UST: variants seen among roughly 807,000 people sequenced by gnomAD.
UST encodes uronyl 2-sulfotransferase.
A neutral mutation model predicts 45.6 loss-of-function variants in UST; 21 were observed. The observed-to-expected ratio is 0.46, with a 90% CI of 0.33 to 0.66. UST has a LOEUF of 0.66. Ranked by LOEUF, UST falls within the 30% of genes least tolerant of loss-of-function variation. The pLI is 0.02. For synonymous variants in UST, 215 were observed against 200.6 expected, an observed-to-expected ratio of 1.07 and a Z score of -0.61; for missense variants, 463 against 512.4, an observed-to-expected ratio of 0.90 and a Z score of 0.93.
chr6:149,049,737 C>A (rs531414704), intron 7 of UST, among the ~76,000 whole-genome samples: 1 of 152,146 alleles, frequency 6.6e-6, no homozygotes, highest in South Asian at 2.1e-4. Flanking sequence ...TAAAGAACAT[C>A]ATTCTCGAGG....
At chr6:148,950,648 T>C (rs1178011944) in intron 3 of UST, among the ~76,000 whole-genome samples, 1 of 152,204 alleles carries the variant, frequency 6.6e-6, no homozygotes, top group East Asian at 1.9e-4. Flanking sequence ...CTGCTCTTCA[T>C]TATTTGCAAT....
intron 1 of UST, among the ~76,000 whole-genome samples, chr6:148,886,668 C>T (rs1778917576): frequency 6.6e-6 from 1 of 152,146 alleles, no homozygotes; most frequent in Non-Finnish European, 1.5e-5. Context: ...AGTACAATAA[C>T]ATTTGAGTAC....
chr6:148,876,650 C>T (rs1311473957), intron 1 of UST, among the ~76,000 whole-genome samples: 1 of 152,074 alleles, frequency 6.6e-6, no homozygotes, highest in African/African-American at 2.4e-5. Context: ...CTTGCATAAG[C>T]GTGATTGTGT....
intron 7 of UST, among the ~76,000 whole-genome samples, chr6:149,037,188 CTCCGGTAGCAG>C (rs1776250861): frequency 6.6e-6 from 1 of 152,154 alleles, no homozygotes; most frequent in Admixed American, 6.5e-5. Context: ...GCCGCAGCTG[CTCCGGTAGCAG>C]GAGCAGCAGC....
intron 1 of UST, among the ~76,000 whole-genome samples, chr6:148,836,051 G>A (rs1462117215): frequency 6.6e-6 from 1 of 152,068 alleles, no homozygotes; most frequent in Non-Finnish European, 1.5e-5. Flanking sequence ...GCAGAATTTT[G>A]GGGAGTTTCA....
chr6:148,793,725 A>G (rs947376596), intron 1 of UST, among the ~76,000 whole-genome samples: 6 of 152,174 alleles, frequency 3.9e-5, no homozygotes, highest in South Asian at 4.1e-4. Flanking sequence ...CATGACTGCA[A>G]TTGGAATAAT....
At chr6:148,810,841 T>G (rs541203808) in intron 1 of UST, among the ~76,000 whole-genome samples, 1 of 152,346 alleles carries the variant, frequency 6.6e-6, no homozygotes, top group African/African-American at 2.4e-5. Context: ...ATATCTATCC[T>G]TATGAATTAC....
In UST at chr6:148,953,902, G is replaced by C; in HGVS notation, c.478G>C (p.Glu160Gln). Residue 160 changes from glutamate (E) to glutamine (Q), a missense_variant, in exon 4 of 8, where the codon GAA (glutamate) becomes CAA (glutamine). Coordinates refer to ENST00000367463, the MANE Select transcript of UST (RefSeq NM_005715.3). ...MELIKNISTA[E>Q]QPYLFTRHVH... ...ACTGATTAAAAATATAAGTACTGCC[G>C]AACAACCCTATTTATTCACTCGACA... 9 of 1,606,344 alleles carry C rather than the reference G, an allele frequency of 5.6e-6. No homozygotes were observed. Among genetic ancestry groups the C allele is most frequent in the Non-Finnish European group, 7.6e-6 (9 of 1,176,862 alleles).
intron 1 of UST, among the ~76,000 whole-genome samples, chr6:148,855,656 A>C (rs1255804577): frequency 1.3e-5 from 2 of 152,226 alleles, no homozygotes; most frequent in Non-Finnish European, 2.9e-5. Context: ...AGGCAGTTTC[A>C]TCTTTCCATG....
chr6:149,057,569 C>T (rs1168728812), intron 7 of UST, among the ~76,000 whole-genome samples: 3 of 152,112 alleles, frequency 2.0e-5, no homozygotes, highest in Admixed American at 6.5e-5. Flanking sequence ...GGCACATGAT[C>T]GCTTATGAAC....
At chr6:148,833,241 A>G (rs1269060259) in intron 1 of UST, among the ~76,000 whole-genome samples, 1 of 152,212 alleles carries the variant, frequency 6.6e-6, no homozygotes, top group Non-Finnish European at 1.5e-5. Flanking sequence ...TAATCTCAGC[A>G]CTTTGTGAGG....
intron 7 of UST, among the ~76,000 whole-genome samples, chr6:149,040,980 T>TC (rs1776305355): frequency 6.6e-6 from 1 of 152,202 alleles, no homozygotes; most frequent in Non-Finnish European, 1.5e-5. Flanking sequence ...AGCCTGTGCA[T>TC]CCCCGTAAGA....
Position 148,813,554 on chromosome 6 carries a change from G to T in UST, c.247+65877G>T, listed in dbSNP as rs545547158. 1.7e-4 allele frequency among the ~76,000 whole-genome samples: 26 copies of T among 152,126 alleles called. 1 individual carries two copies. In the South Asian group the frequency reaches 4.8e-3, roughly 28 times the overall value. On this transcript the variant is annotated intron_variant, in intron 1 of 7. Transcript: ENST00000367463. ...CTGCCACCGTGCCTGGCTAATTTTTGTATTTTTAGTAGAGATGGGGTTTCA... is the reference window on the plus strand; with the variant it reads ...CTGCCACCGTGCCTGGCTAATTTTTTTATTTTTAGTAGAGATGGGGTTTCA...
chr6:148,994,724 C>T (rs1302616956), intron 5 of UST, among the ~76,000 whole-genome samples: 3 of 152,176 alleles, frequency 2.0e-5, no homozygotes, highest in African/African-American at 7.2e-5. Context: ...CTCTCTAAGA[C>T]CCCACAGCTT....
chr6:149,071,634 AATT>A (rs1449186426), intron 7 of UST, among the ~76,000 whole-genome samples: 1 of 152,216 alleles, frequency 6.6e-6, no homozygotes, highest in Non-Finnish European at 1.5e-5. Context: ...TCTTCATTAA[AATT>A]AAAAACTTTT....
intron 2 of UST, among the ~76,000 whole-genome samples, chr6:148,935,863 TCTG>T (rs1780015451): frequency 6.6e-6 from 1 of 152,216 alleles, no homozygotes; most frequent in Non-Finnish European, 1.5e-5. Context: ...GAGAGGCTAA[TCTG>T]CTCCTGTCAG....
rs1289881403 is a variant in UST at position 149,056,125 on chromosome 6, T to C, written c.938-17708T>C. Among the ~76,000 whole-genome samples the C allele has an allele frequency of 1.6e-4, 18 of 109,286 alleles. No homozygotes were observed. The South Asian group carries it at 3.5e-3, about 21-fold the overall frequency. The allele number at this position is 109,286 out of a possible 152,430, so 71.7% of individuals were successfully genotyped here. A position where few individuals can be genotyped will look rare whatever the true frequency, so the allele number is the denominator to read the frequency against. On this transcript the variant is annotated intron_variant, in intron 7 of 7. Coordinates refer to ENST00000367463, the MANE Select transcript of UST (RefSeq NM_005715.3). Reference sequence around the variant, plus strand: ...TGCTTTTCTTTTCTTTTCTTTTTTTTTTTTTTTTTTTTTTTTTTGAAATGG... The same window carrying C: ...TGCTTTTCTTTTCTTTTCTTTTTTTCTTTTTTTTTTTTTTTTTTGAAATGG...
rs1439763733 is a variant in UST at position 148,912,648 on chromosome 6, T to A, written c.291+25619T>A. On this transcript the variant is annotated intron_variant, in intron 2 of 7. Transcript: ENST00000367463. ...CCTGGCCGGTCAGAGCCTGTTCATATTTTGGCAACAAATGAAGCTAAGGAG... is the reference window on the plus strand; with the variant it reads ...CCTGGCCGGTCAGAGCCTGTTCATAATTTGGCAACAAATGAAGCTAAGGAG... Among the ~76,000 whole-genome samples the A allele has an allele frequency of 2.0e-5, 3 of 152,234 alleles. No homozygotes were observed. In the East Asian group the frequency reaches 5.8e-4, roughly 29 times the overall value.
At chr6:148,998,389 T>G (rs1781489238) in intron 5 of UST, among the ~76,000 whole-genome samples, 1 of 152,224 alleles carries the variant, frequency 6.6e-6, no homozygotes, top group Non-Finnish European at 1.5e-5. Context: ...GATTCTTTTG[T>G]CTCCACCTCA....
Sources: allele counts gnomAD v4.1 joint callset (sites outside exome capture counted in the v4.1 genomes callset), GRCh38; gene constraint gnomAD v4.1.1; transcripts MANE v1.5; gene names NCBI Gene and HGNC (gene_info 2026-07-23, HGNC 2026-07-21).